SYCP1: variants seen among roughly 807,000 people sequenced by gnomAD.
SYCP1 encodes cancer/testis antigen 8.
SYCP1 carries 64 observed loss-of-function variants against 153.1 expected under a neutral mutation model. That is an observed-to-expected ratio of 0.42 (90% CI 0.34 to 0.51). The LOEUF (loss-of-function observed/expected upper bound fraction) is 0.51. SYCP1 is among the 20% of genes least tolerant of loss of function. The pLI is 0.06. For missense variants in SYCP1, 997 were observed against 1,049.0 expected (o/e 0.95, Z 0.68); for synonymous variants, 384 against 341.8 (o/e 1.12, Z -1.36).
chr1:114,885,647 A>G lies in SYCP1; in HGVS notation c.1005+18A>G, dbSNP rs756788172. The G allele has an allele frequency of 3.6e-6, 5 of 1,406,802 alleles. No homozygotes were observed. In the East Asian group the frequency reaches 1.2e-4, roughly 34 times the overall value. 87.1% of individuals were successfully genotyped at this position (1,406,802 alleles called of 1,614,324 possible). ...GAAGTGTGGTATGATTTAAAAACTC[A>G]TTAGTGTGTAATAAGTCTCACCCTA... On this transcript the variant is annotated intron_variant, in intron 13 of 31. Coordinates refer to ENST00000369522, the MANE Select transcript of SYCP1 (RefSeq NM_003176.4).
At chr1:114,885,443 G>T in intron 12 of SYCP1, 92 bp from the exon 13 acceptor site, 1 of 694,210 alleles carries the variant, frequency 1.4e-6, no homozygotes, top group East Asian at 3.2e-5. Context: ...ATTATCTAAC[G>T]GAGGAAAAAG....
intron 27 of SYCP1, among the ~76,000 whole-genome samples, chr1:114,963,406 G>A (rs768536677): frequency 6.6e-6 from 1 of 151,876 alleles, no homozygotes; most frequent in Non-Finnish European, 1.5e-5. Flanking sequence ...TTAAATTCTG[G>A]GATACGTGTG....
chr1:114,960,070 A>G (rs887905982), intron 27 of SYCP1, among the ~76,000 whole-genome samples: 1 of 151,458 alleles, frequency 6.6e-6, no homozygotes, highest in African/African-American at 2.4e-5. Context: ...GATATTTCTT[A>G]GGTAAATGGA....
At position 114,944,366 on chromosome 1, in the gene SYCP1, A is replaced by G. The variant is rs752478928; in HGVS notation, c.1954A>G (p.Ser652Gly). Residue 652 changes from serine (S) to glycine (G), a missense_variant, in exon 24 of 32, where the codon AGT (serine) becomes GGT (glycine). Around this residue, in one of 2 missense-constraint regions of SYCP1, gnomAD observed 712 missense variants for 682.9 expected, o/e 1.04. Coordinates refer to ENST00000369522, the MANE Select transcript of SYCP1 (RefSeq NM_003176.4). ...KVNKLELELESAKQKFGEITD... is the reference protein window; with the variant it reads ...KVNKLELELEGAKQKFGEITD... ...CAATAAATTAGAGTTAGAACTAGAAAGTGCCAAACAGAAATTTGGAGAAAT... is the reference window on the plus strand; with the variant it reads ...CAATAAATTAGAGTTAGAACTAGAAGGTGCCAAACAGAAATTTGGAGAAAT... The G allele has an allele frequency of 1.2e-6, 2 of 1,605,376 alleles. No individual in the cohort carries two copies. Among genetic ancestry groups the G allele is most frequent in the Non-Finnish European group, 1.7e-6 (2 of 1,175,674 alleles).
intron 27 of SYCP1, among the ~76,000 whole-genome samples, chr1:114,960,163 GTTTTTTT>G (rs757126453): frequency 9.1e-6 from 1 of 109,472 alleles, no homozygotes; most frequent in African/African-American, 3.9e-5. Flanking sequence ...TAGTTTGCTT[GTTTTTTT>G]TTTTTTTTTT....
In SYCP1 at chr1:114,899,572, A is replaced by C. The variant is rs1235554254; in HGVS notation, c.1320+4063A>C. Among the ~76,000 whole-genome samples the C allele has an allele frequency of 2.0e-5, 3 of 152,232 alleles. No individual in the cohort carries two copies. The East Asian group carries it at 5.8e-4, about 29-fold the overall frequency. ...CTTTTGAAAAGAATTAAAACAAGACAACAATTGTCTGTGAATAACGAAATG... is the reference window on the plus strand; with the variant it reads ...CTTTTGAAAAGAATTAAAACAAGACCACAATTGTCTGTGAATAACGAAATG... On this transcript the variant is annotated intron_variant, in intron 16 of 31. Coordinates refer to ENST00000369522, the MANE Select transcript of SYCP1 (RefSeq NM_003176.4).
At position 114,886,137 on chromosome 1, in the gene SYCP1, G is replaced by A. The variant is rs781245987; in HGVS notation, c.1018G>A (p.Ala340Thr). 1 of 1,597,830 alleles carries A rather than the reference G, an allele frequency of 6.3e-7. No individual in the cohort carries two copies. Among genetic ancestry groups the A allele is most frequent in the African/African-American group, 1.4e-5 (1 of 73,848 alleles). The change falls in exon 14 of 32, where the codon GCT becomes ACT. Residue 340 changes from alanine (A) to threonine (T), a missense_variant. Around this residue, in one of 2 missense-constraint regions of SYCP1, gnomAD observed 285 missense variants for 366.1 expected, o/e 0.78. Coordinates refer to ENST00000369522, the MANE Select transcript of SYCP1 (RefSeq NM_003176.4). The part of the protein sequence containing the change: ...SLQRSVSTQK[A>T]LEEDLQIATK... ...TTATTTCATTTAGAGTACTCAAAAG[G>A]CTTTAGAGGAAGATTTACAGATAGC...
chr1:114,986,017 T>C (rs1673479039), intron 30 of SYCP1, among the ~76,000 whole-genome samples: 2 of 151,924 alleles, frequency 1.3e-5, no homozygotes, highest in Non-Finnish European at 2.9e-5. Flanking sequence ...GTATTATAAG[T>C]AACCTAGAGA....
chr1:114,994,930 A>G lies in SYCP1; in HGVS notation c.2842A>G (p.Ile948Val), dbSNP rs779493816. 1 of 1,609,614 alleles carries G rather than the reference A, an allele frequency of 6.2e-7. No individual in the cohort carries two copies. Among genetic ancestry groups the G allele is most frequent in the Non-Finnish European group, 8.5e-7 (1 of 1,177,414 alleles). The change falls in exon 32 of 32, where the codon ATA becomes GTA. Residue 948 changes from isoleucine (I) to valine (V), a missense_variant. This residue lies in a region of SYCP1 where 712 missense variants were observed against 682.9 expected (regional missense o/e 1.04). Transcript: ENST00000369522. The stretch of plus-strand genomic sequence containing the variant: ...TGGATCTACACTGAAGTTTGGAGCT[A>G]TAAGAAAAATGCGGGAGGACCGTTG... Reference protein sequence around the residue: ...TPGSTLKFGAIRKMREDRWAV... With the variant: ...TPGSTLKFGAVRKMREDRWAV...
At chr1:114,902,754 A>G (rs1667553608) in intron 16 of SYCP1, among the ~76,000 whole-genome samples, 1 of 151,840 alleles carries the variant, frequency 6.6e-6, no homozygotes, top group Non-Finnish European at 1.5e-5. Context: ...CTATATGATC[A>G]AGAGCAGTTT....
chr1:114,977,454 G>T lies in SYCP1; in HGVS notation c.2323-103G>T, dbSNP rs77226560. 107 of 685,818 alleles carry T rather than the reference G, an allele frequency of 1.6e-4. No homozygotes were observed. In the African/African-American group the frequency reaches 1.9e-3, roughly 12 times the overall value. 42.5% of individuals were successfully genotyped at this position (685,818 alleles called of 1,614,324 possible). On this transcript the variant is annotated intron_variant, in intron 27 of 31. Transcript: ENST00000369522. The stretch of plus-strand genomic sequence containing the variant: ...ATTACTTTATAAGATTGAGAGGTTC[G>T]TCATCTTTCTTTGTTAATACTTACT...
rs1436993920 is a variant in SYCP1 at position 114,911,549 on chromosome 1, T to C, written c.1496T>C (p.Val499Ala). ...AGTGAACAGTATTATTCAAAAGAGGTTAAAGATCTAAAAACTGAGCTTGAA... is the reference window on the plus strand; with the variant it reads ...AGTGAACAGTATTATTCAAAAGAGGCTAAAGATCTAAAAACTGAGCTTGAA... ...TTSEQYYSKE[V>A]KDLKTELENE... Residue 499 changes from valine to alanine, a missense_variant, in exon 18 of 32, where the codon GTT (valine) becomes GCT (alanine). Physicochemically the swap from Val to Ala is moderately conservative, Grantham distance 64 (BLOSUM62 0). Transcript: ENST00000369522. 1 of 1,533,084 alleles carries C rather than the reference T, an allele frequency of 6.5e-7. No homozygotes were observed. The highest frequency in any genetic ancestry group is 8.7e-7 in the Non-Finnish European group (1 of 1,143,890). 95.0% of individuals were successfully genotyped at this position (1,533,084 alleles called of 1,614,324 possible).
intron 27 of SYCP1, among the ~76,000 whole-genome samples, chr1:114,974,449 A>G (rs1476115888): frequency 6.6e-6 from 1 of 151,930 alleles, no homozygotes; most frequent in Non-Finnish European, 1.5e-5. Context: ...GATCTCTAGT[A>G]GTTTTCCATC....
intron 27 of SYCP1, among the ~76,000 whole-genome samples, chr1:114,969,245 G>A (rs1424574314): frequency 3.9e-5 from 6 of 152,196 alleles, no homozygotes; most frequent in African/African-American, 1.4e-4. Flanking sequence ...GAGCTGGCAG[G>A]CAGGAACATT....
intron 15 of SYCP1, among the ~76,000 whole-genome samples, chr1:114,889,542 A>G (rs202167416): frequency 9.9e-5 from 15 of 151,982 alleles, no homozygotes; most frequent in East Asian, 5.8e-4. Context: ...CCACTTTTTG[A>G]TGGGGTTTTT....
chr1:114,968,566 G>T (rs942724471), intron 27 of SYCP1, among the ~76,000 whole-genome samples: 1 of 152,130 alleles, frequency 6.6e-6, no homozygotes, highest in Admixed American at 6.5e-5. Flanking sequence ...ATTCTAGTTA[G>T]CACTTCCTGT....
At chr1:114,861,528 C>T (rs1218899913) in intron 8 of SYCP1, among the ~76,000 whole-genome samples, 2 of 152,022 alleles carry the variant, frequency 1.3e-5, no homozygotes, top group African/African-American at 4.8e-5. Flanking sequence ...TATCATACAG[C>T]TTACTACTTA....
At position 114,856,626 on chromosome 1, in the gene SYCP1, T is replaced by A. The variant is rs758095047; in HGVS notation, c.162T>A (p.Asn54Lys). 1 of 1,611,944 alleles carries A rather than the reference T, an allele frequency of 6.2e-7. No homozygotes were observed. Among genetic ancestry groups the A allele is most frequent in the Non-Finnish European group, 8.5e-7 (1 of 1,179,172 alleles). ...TTGAGTTTCCATTTGCAAAGACTAA[T>A]CTCTCCAAAAATGGGGAAAACATTG... ...DDFEFPFAKT[N>K]LSKNGENIDS... is the part of the protein sequence containing the mutation. The change falls in exon 3 of 32, where the codon AAT (asparagine) becomes AAA (lysine). Residue 54 changes from asparagine (N) to lysine (K), a missense_variant. Asn to Lys is a moderately conservative substitution (Grantham distance 94). Coordinates refer to ENST00000369522, the MANE Select transcript of SYCP1 (RefSeq NM_003176.4).
At chr1:114,877,539 G>A (rs977117890) in intron 11 of SYCP1, among the ~76,000 whole-genome samples, 1 of 152,140 alleles carries the variant, frequency 6.6e-6, no homozygotes, top group African/African-American at 2.4e-5. Flanking sequence ...GTACAGAGAG[G>A]ATAATAAAAA....
Sources: gnomAD v4.1 joint callset for allele counts (sites outside exome capture counted in the v4.1 genomes callset) on GRCh38, gnomAD v4.1.1 for gene constraint, gnomAD v4.1.1 regional missense constraint, MANE v1.5 for transcripts, NCBI Gene and HGNC (gene_info 2026-07-23, HGNC 2026-07-21) for gene names.